Variants in AK5 observed in about 807,000 individuals in gnomAD.
AK5 encodes adenylate kinase isoenzyme 5.
In AK5, 27 loss-of-function variants were observed where a neutral mutation model predicts 69.5. The ratio of observed to expected loss-of-function variants is 0.39; its 90% CI spans 0.29 to 0.54. The LOEUF is 0.54. AK5 is among the 20% of genes least tolerant of loss of function. The pLI is 0.71. For synonymous variants in AK5, 260 were observed against 244.4 expected (o/e 1.06, Z -0.60); for missense variants, 531 against 700.4 (o/e 0.76, Z 2.73).
Position 77,371,435 on chromosome 1 carries a change from G to C in AK5, c.891+30867G>C, listed in dbSNP as rs1190940738. On this transcript the variant is annotated intron_variant, in intron 6 of 13. Coordinates refer to ENST00000354567, the MANE Select transcript of AK5 (RefSeq NM_174858.3). Reference sequence around the variant, plus strand: ...CACTGGAGGTGCTATTTGGAAAGGGGGTTTCAACCCAATGACACTATCAGT... The same window carrying C: ...CACTGGAGGTGCTATTTGGAAAGGGCGTTTCAACCCAATGACACTATCAGT... The C allele has an allele frequency of 2.0e-5, 3 of 152,214 alleles. No homozygotes were observed. In the East Asian group the frequency reaches 5.8e-4, roughly 29 times the overall value. The allele number at this position is 152,214 out of a possible 1,614,324, so 9.4% of individuals were successfully genotyped here.
chr1:77,480,280 G>A (rs6698295), intron 8 of AK5, among the ~76,000 whole-genome samples: 20,957 of 152,152 alleles, frequency 0.14, 1,943 homozygotes, highest in Non-Finnish European at 0.18. Flanking sequence ...TCAGTGCACC[G>A]CATTCCTGGT....
rs116471458 is a variant in AK5, at chr1:77,379,230, T to C, written c.892-31751T>C. Among the ~76,000 whole-genome samples the C allele has an allele frequency of 2.9e-3, 445 of 152,310 alleles. 2 individuals carry two copies. Among genetic ancestry groups the C allele is most frequent in the African/African-American group, 0.01 (424 of 41,578 alleles). The stretch of plus-strand genomic sequence containing the variant: ...TTCCGATGGCTGTCTTCCCCATAGA[T>C]AAATACCTCCCTTGCGATGGATGCA... On this transcript the variant is annotated intron_variant, in intron 6 of 13. Coordinates refer to ENST00000354567, the MANE Select transcript of AK5 (RefSeq NM_174858.3).
At chr1:77,304,334 G>A (rs1041493595) in intron 5 of AK5, among the ~76,000 whole-genome samples, 2 of 151,446 alleles carry the variant, frequency 1.3e-5, no homozygotes, top group South Asian at 2.1e-4. Flanking sequence ...ATGTTGTTGC[G>A]TATGACAGGA....
intron 13 of AK5, among the ~76,000 whole-genome samples, chr1:77,540,059 AC>A (rs1185622391): frequency 6.6e-6 from 1 of 152,186 alleles, no homozygotes; most frequent in Non-Finnish European, 1.5e-5. Context: ...CTGACATTGA[AC>A]CCATCATCTG....
chr1:77,428,468 A>G (rs1396880051), intron 8 of AK5, among the ~76,000 whole-genome samples: 1 of 152,126 alleles, frequency 6.6e-6, no homozygotes, highest in Non-Finnish European at 1.5e-5. Flanking sequence ...AAAACCAAAA[A>G]CACTGATGAA....
chr1:77,293,387 G>T (rs1490664299), intron 2 of AK5: 1 of 158,240 alleles, frequency 6.3e-6, no homozygotes, highest in African/African-American at 2.4e-5. Context: ...CATTTGCAGA[G>T]GCCACGATGT....
At position 77,282,324 on chromosome 1, in the gene AK5, A is replaced by G. The variant is rs1479226810; in HGVS notation, c.11A>G (p.Asn4Ser). The change falls in exon 1 of 14, where the codon AAC (asparagine) becomes AGC (serine). Residue 4 changes from asparagine (N) to serine (S), a missense_variant. By Grantham distance (46) the Asn-to-Ser change is conservative (BLOSUM62 1). Coordinates refer to ENST00000354567, the MANE Select transcript of AK5 (RefSeq NM_174858.3). ...ACGCGCGGCACAGCCATGAACACCA[A>G]CGATGCCAAGGAGTATCTGGCCCGG... The part of the protein sequence containing the change: MNT[N>S]DAKEYLARRE... The G allele has an allele frequency of 7.7e-6, 12 of 1,561,926 alleles. No homozygotes were observed. The highest frequency in any genetic ancestry group is 1.9e-5 in the Admixed American group (1 of 52,472).
intron 8 of AK5, among the ~76,000 whole-genome samples, chr1:77,425,099 G>T (rs1557583239): frequency 6.6e-6 from 1 of 152,142 alleles, no homozygotes; most frequent in Non-Finnish European, 1.5e-5. Context: ...CATGCAGGAA[G>T]AAAATGGAGT....
At chr1:77,462,232 C>T (rs748883889) in intron 8 of AK5, among the ~76,000 whole-genome samples, 6 of 152,164 alleles carry the variant, frequency 3.9e-5, no homozygotes, top group Non-Finnish European at 8.8e-5. Context: ...AGCCAAGGAA[C>T]CCTCTCACTG....
chr1:77,367,904 T>TATATAATATATATGATATATA (rs1553140114), intron 6 of AK5, among the ~76,000 whole-genome samples: 5 of 3,948 alleles, frequency 1.3e-3, no homozygotes, highest in Non-Finnish European at 2.4e-3. Flanking sequence ...ATATATATTA[T>TATATAATATATATGATATATA]ATATAAAATA....
At chr1:77,403,353 A>G (rs1365931278) in intron 6 of AK5, among the ~76,000 whole-genome samples, 1 of 151,940 alleles carries the variant, frequency 6.6e-6, no homozygotes, top group African/African-American at 2.4e-5. Context: ...TTGGTGTTTT[A>G]GTCATGAAGT....
In AK5 at chr1:77,559,754, T is replaced by A. The variant is rs116330920; in HGVS notation, c.*1084T>A. 73 of 152,396 alleles carry A rather than the reference T, an allele frequency of 4.8e-4. No homozygotes were observed. The highest frequency in any genetic ancestry group is 1.7e-3 in the African/African-American group (72 of 41,562). 9.4% of individuals were successfully genotyped at this position (152,396 alleles called of 1,614,324 possible). Reference sequence around the variant, plus strand: ...GTTCTCTTTTGTGCTATCAATCAGTTGTAAAATCAGAGCTGCTTATATATT... The same window carrying A: ...GTTCTCTTTTGTGCTATCAATCAGTAGTAAAATCAGAGCTGCTTATATATT... On this transcript the variant is annotated 3_prime_UTR_variant, in exon 14 of 14. Coordinates refer to ENST00000354567, the MANE Select transcript of AK5 (RefSeq NM_174858.3).
intron 6 of AK5, among the ~76,000 whole-genome samples, chr1:77,377,558 T>G (rs925383825): frequency 1.3e-5 from 2 of 152,210 alleles, no homozygotes; most frequent in African/African-American, 4.8e-5. Context: ...TTTTCTAGCC[T>G]AGTCCTTTCC....
At chr1:77,416,674 G>A (rs1650449606) in intron 7 of AK5, among the ~76,000 whole-genome samples, 1 of 152,112 alleles carries the variant, frequency 6.6e-6, no homozygotes, top group Non-Finnish European at 1.5e-5. Flanking sequence ...CATTTGGAAA[G>A]AAAATATGAA....
intron 6 of AK5, among the ~76,000 whole-genome samples, chr1:77,388,898 A>G (rs1174081423): frequency 2.0e-5 from 3 of 152,208 alleles, no homozygotes; most frequent in African/African-American, 7.2e-5. Context: ...ACCGCAAATG[A>G]AGGAAGCAAA....
At chr1:77,373,752 CAT>C (rs1647168139) in intron 6 of AK5, among the ~76,000 whole-genome samples, 1 of 151,298 alleles carries the variant, frequency 6.6e-6, no homozygotes, top group South Asian at 2.1e-4. Context: ...AAACAAAAAA[CAT>C]ATGATTGAAT....
intron 13 of AK5, among the ~76,000 whole-genome samples, chr1:77,536,679 G>A (rs915422754): frequency 6.6e-6 from 1 of 152,178 alleles, no homozygotes; most frequent in African/African-American, 2.4e-5. Context: ...TAGATGAGAC[G>A]TAGGCTCTGC....
intron 6 of AK5, among the ~76,000 whole-genome samples, chr1:77,382,012 C>T (rs548273359): frequency 6.4e-4 from 97 of 152,266 alleles, no homozygotes; most frequent in African/African-American, 2.2e-3. Flanking sequence ...AGAGGCTGCC[C>T]AGGTCAAAGG....
chr1:77,520,486 C>T (rs1284198977), intron 11 of AK5, among the ~76,000 whole-genome samples: 2 of 152,222 alleles, frequency 1.3e-5, no homozygotes, highest in Non-Finnish European at 2.9e-5. Context: ...TCTCACCTTG[C>T]TCACTCCCAC....
Sources: allele counts gnomAD v4.1 joint callset (sites outside exome capture counted in the v4.1 genomes callset), GRCh38; gene constraint gnomAD v4.1.1; transcripts MANE v1.5; gene names NCBI Gene and HGNC (gene_info 2026-07-23, HGNC 2026-07-21).